Variants in TCERG1L observed in about 807,000 individuals in gnomAD.
The protein encoded by TCERG1L is transcription elongation regulator 1-like protein.
TCERG1L carries 37 observed loss-of-function variants against 56.3 expected under a neutral mutation model. The observed-to-expected ratio is 0.66, with a 90% CI of 0.51 to 0.87. TCERG1L has a LOEUF of 0.87. Ranked by LOEUF, TCERG1L falls within the 40% of genes least tolerant of loss-of-function variation. The probability of loss-of-function intolerance (pLI) is 0.00; values close to 1 mark genes in which losing one functional copy is unlikely to be tolerated. For synonymous variants in TCERG1L, 324 were observed against 326.3 expected, an observed-to-expected ratio of 0.99 and a Z score of 0.08; for missense variants, 799 against 774.2, an observed-to-expected ratio of 1.03 and a Z score of -0.38.
At chr10:131,261,819 G>A (rs1408162010) in intron 3 of TCERG1L, among the ~76,000 whole-genome samples, 2 of 152,176 alleles carry the variant, frequency 1.3e-5, no homozygotes, top group African/African-American at 2.4e-5. Context: ...GGGAAAGCAG[G>A]GAGAGGGCAT....
chr10:131,132,871 C>A lies in TCERG1L; in HGVS notation c.1259+1508G>T, dbSNP rs1409862797. 2.0e-5 allele frequency among the ~76,000 whole-genome samples: 3 copies of A among 152,208 alleles called. No individual in the cohort carries two copies. The East Asian group carries it at 5.8e-4, about 29-fold the overall frequency. ...GCGTCCTCCCTCCACAGCCAGTGAG[C>A]CTCTGCCCTGCCACGTGCGGCCCTA... On this transcript the variant is annotated intron_variant, in intron 8 of 11. Coordinates refer to ENST00000368642, the MANE Select transcript of TCERG1L (RefSeq NM_174937.4).
chr10:131,148,367 C>CATAT (rs10664444), intron 6 of TCERG1L, among the ~76,000 whole-genome samples: 3 of 142,364 alleles, frequency 2.1e-5, no homozygotes, highest in Non-Finnish European at 4.7e-5. Flanking sequence ...CACACATGCA[C>CATAT]ACAGACATAG....
chr10:131,102,391 G>T (rs1351291031), intron 10 of TCERG1L, among the ~76,000 whole-genome samples: 2 of 152,192 alleles, frequency 1.3e-5, no homozygotes, highest in Non-Finnish European at 2.9e-5. Context: ...CAGAGCGGGA[G>T]TTGGTTACAA....
chr10:131,289,142 T>A (rs1057163909), intron 3 of TCERG1L, among the ~76,000 whole-genome samples: 1 of 109,766 alleles, frequency 9.1e-6, no homozygotes, highest in Non-Finnish European at 1.9e-5. Flanking sequence ...GTAAAAGTCT[T>A]GATTTTTTTT....
At chr10:131,123,661 G>T (rs2133395209) in intron 8 of TCERG1L, among the ~76,000 whole-genome samples, 1 of 152,212 alleles carries the variant, frequency 6.6e-6, no homozygotes, top group South Asian at 2.1e-4. Context: ...GCCTCCGACT[G>T]CCCTGAGTCC....
chr10:131,116,785 C>A lies in TCERG1L; in HGVS notation c.1395+14G>T. 6.4e-7 allele frequency: 1 copy of A among 1,551,712 alleles called. No homozygotes were observed. The highest frequency in any genetic ancestry group is 1.2e-5 in the South Asian group (1 of 84,318). The stretch of plus-strand genomic sequence containing the variant: ...CTGCCGTAGGAGTGCAGCCCCTCAG[C>A]CGCTGTGCCTTACCCCTCTCTCCAG... On this transcript the variant is annotated intron_variant, in intron 9 of 11. Transcript: ENST00000368642.
intron 4 of TCERG1L, among the ~76,000 whole-genome samples, chr10:131,197,125 C>G (rs776704132): frequency 6.6e-6 from 1 of 152,062 alleles, no homozygotes; most frequent in Non-Finnish European, 1.5e-5. Flanking sequence ...CAGCTTTCAT[C>G]TGGGACCCTG....
intron 4 of TCERG1L, among the ~76,000 whole-genome samples, chr10:131,208,746 C>T (rs978461291): frequency 1.3e-5 from 2 of 152,186 alleles, no homozygotes; most frequent in Non-Finnish European, 2.9e-5. Flanking sequence ...CCTCATGTGG[C>T]TCATCTCAGT....
chr10:131,281,565 GA>G (rs1017519384), intron 3 of TCERG1L, among the ~76,000 whole-genome samples: 3 of 152,138 alleles, frequency 2.0e-5, no homozygotes, highest in African/African-American at 7.2e-5. Flanking sequence ...GATCCTTAGG[GA>G]AAGAGCCAGA....
intron 11 of TCERG1L, among the ~76,000 whole-genome samples, chr10:131,093,655 GCCCCTCC>G (rs1845209277): frequency 2.0e-5 from 3 of 152,084 alleles, no homozygotes; most frequent in Admixed American, 2.0e-4. Context: ...GGTCTCCTCC[GCCCCTCC>G]CTTGCTGCCA....
intron 4 of TCERG1L, among the ~76,000 whole-genome samples, chr10:131,197,671 C>T (rs1845381420): frequency 6.6e-6 from 1 of 152,190 alleles, no homozygotes; most frequent in Non-Finnish European, 1.5e-5. Flanking sequence ...CAAAATTGAA[C>T]ACGTGCATGC....
chr10:131,272,994 G>T (rs746870372), intron 3 of TCERG1L, among the ~76,000 whole-genome samples: 1 of 152,212 alleles, frequency 6.6e-6, no homozygotes, highest in African/African-American at 2.4e-5. Context: ...GATGGGGAGG[G>T]TCTGTCCATG....
At chr10:131,248,285 A>ACACACGACT (rs1564825387) in intron 4 of TCERG1L, among the ~76,000 whole-genome samples, 2 of 151,724 alleles carry the variant, frequency 1.3e-5, no homozygotes, top group African/African-American at 4.8e-5. Context: ...CACAGGACAC[A>ACACACGACT]CACACACACA....
intron 4 of TCERG1L, among the ~76,000 whole-genome samples, chr10:131,176,644 A>G (rs1454322002): frequency 7.5e-6 from 1 of 133,388 alleles, no homozygotes; most frequent in African/African-American, 2.5e-5. Flanking sequence ...ACATACACCA[A>G]GACACATGTA....
At chr10:131,271,793 G>A (rs1403737351) in intron 3 of TCERG1L, among the ~76,000 whole-genome samples, 1 of 152,226 alleles carries the variant, frequency 6.6e-6, no homozygotes, top group Non-Finnish European at 1.5e-5. Flanking sequence ...GAGGGTCCCT[G>A]TGACCGGAGA....
At chr10:131,237,016 G>A (rs180825707) in intron 4 of TCERG1L, among the ~76,000 whole-genome samples, 47 of 151,968 alleles carry the variant, frequency 3.1e-4, no homozygotes, top group African/African-American at 4.8e-4. Context: ...ATTTCACCTG[G>A]AGTAGAGGAA....
Position 131,244,340 on chromosome 10 carries a change from C to T in TCERG1L, c.856+15919G>A, listed in dbSNP as rs116533394. 3.6e-3 allele frequency among the ~76,000 whole-genome samples: 542 copies of T among 152,240 alleles called. 1 individual carries two copies. The highest frequency in any genetic ancestry group is 0.012 in the African/African-American group (504 of 41,542). On this transcript the variant is annotated intron_variant, in intron 4 of 11. Coordinates refer to ENST00000368642, the MANE Select transcript of TCERG1L (RefSeq NM_174937.4). ...CAGGTGCACCCACATGGAACAGGCACGTGCTTTCATCCGGGGGTTCAAGGA... is the reference window on the plus strand; with the variant it reads ...CAGGTGCACCCACATGGAACAGGCATGTGCTTTCATCCGGGGGTTCAAGGA...
chr10:131,155,790 C>T (rs1235374025), intron 6 of TCERG1L, among the ~76,000 whole-genome samples: 2 of 152,122 alleles, frequency 1.3e-5, no homozygotes, highest in Non-Finnish European at 2.9e-5. Context: ...GCACAGCCCA[C>T]GGCCCACCCC....
intron 4 of TCERG1L, among the ~76,000 whole-genome samples, chr10:131,222,296 A>G (rs1366742011): frequency 6.6e-6 from 1 of 152,248 alleles, no homozygotes. Flanking sequence ...TTATCCATAC[A>G]TGATATTTTG....
Sources: gnomAD v4.1 joint callset for allele counts (sites outside exome capture counted in the v4.1 genomes callset) on GRCh38, gnomAD v4.1.1 for gene constraint, MANE v1.5 for transcripts, NCBI Gene and HGNC (gene_info 2026-07-23, HGNC 2026-07-21) for gene names.